FMN1: variants seen among roughly 807,000 people sequenced by gnomAD.
The protein encoded by FMN1 is formin 1.
A neutral mutation model predicts 132.4 loss-of-function variants in FMN1; 110 were observed. The ratio of observed to expected loss-of-function variants is 0.83; its 90% CI spans 0.71 to 0.97. The LOEUF is 0.97. FMN1 is among the 50% of genes least tolerant of loss of function. FMN1 has a pLI of 0.00. For missense variants in FMN1, 1,792 were observed against 1,705.3 expected, an observed-to-expected ratio of 1.05 and a Z score of -0.90; for synonymous variants, 722 against 651.7, an observed-to-expected ratio of 1.11 and a Z score of -1.64.
At chr15:33,096,861 C>T (rs2039104216) in intron 4 of FMN1, among the ~76,000 whole-genome samples, 1 of 152,176 alleles carries the variant, frequency 6.6e-6, no homozygotes, top group South Asian at 2.1e-4. Context: ...CTTGGCTTTC[C>T]AAAGTGCTGG....
chr15:33,134,905 A>G (rs1364858470), intron 4 of FMN1, among the ~76,000 whole-genome samples: 1 of 152,128 alleles, frequency 6.6e-6, no homozygotes, highest in Non-Finnish European at 1.5e-5. Flanking sequence ...AAGAGGCTGA[A>G]GCAGGAGAAT....
chr15:33,027,454 C>T (rs1162379321), intron 6 of FMN1, among the ~76,000 whole-genome samples: 2 of 152,178 alleles, frequency 1.3e-5, no homozygotes, highest in African/African-American at 4.8e-5. Flanking sequence ...TTAGTGAGAA[C>T]TGTATGCAAT....
At chr15:33,050,976 C>A (rs1347805277) in intron 6 of FMN1, among the ~76,000 whole-genome samples, 1 of 152,160 alleles carries the variant, frequency 6.6e-6, no homozygotes, top group Non-Finnish European at 1.5e-5. Context: ...TATAGTATGA[C>A]CCCACTTGTG....
At chr15:33,055,593 T>C (rs1490034010) in intron 6 of FMN1, among the ~76,000 whole-genome samples, 1 of 145,700 alleles carries the variant, frequency 6.9e-6, no homozygotes, top group African/African-American at 2.6e-5. Context: ...AATTTGACTG[T>C]ACTTCAACTC....
At chr15:33,003,491 A>G (rs930796945) in intron 7 of FMN1, among the ~76,000 whole-genome samples, 8 of 152,192 alleles carry the variant, frequency 5.3e-5, no homozygotes, top group Non-Finnish European at 8.8e-5. Context: ...ACTTACAAGG[A>G]ATGTGAAGGA....
At chr15:32,970,002 T>G (rs1332453309) in intron 7 of FMN1, among the ~76,000 whole-genome samples, 1 of 152,214 alleles carries the variant, frequency 6.6e-6, no homozygotes, top group Non-Finnish European at 1.5e-5. Context: ...ATAACTTACT[T>G]TTTTAAAGTT....
intron 7 of FMN1, among the ~76,000 whole-genome samples, chr15:33,006,519 T>C (rs553066438): frequency 9.9e-5 from 15 of 152,266 alleles, no homozygotes; most frequent in African/African-American, 3.4e-4. Context: ...CCATATGACC[T>C]AGAAATCCCA....
intron 10 of FMN1, among the ~76,000 whole-genome samples, chr15:32,921,694 G>A (rs1438667987): frequency 4.8e-5 from 4 of 83,252 alleles, no homozygotes; most frequent in Non-Finnish European, 1.1e-4. Flanking sequence ...TTTTTTTTTC[G>A]AGATAAGAGT....
rs548759409 is a variant in FMN1, at chr15:33,097,043, C to T, written c.1868-8069G>A. Among the ~76,000 whole-genome samples, 16 of 152,198 alleles carry T rather than the reference C, an allele frequency of 1.1e-4. No individual in the cohort carries two copies. In the South Asian group the frequency reaches 3.1e-3, roughly 30 times the overall value. ...GCACAGCGGCTCATGCCTGTAATCC[C>T]AGCACTTTGGGAGGCCGAGGTGGGT... On this transcript the variant is annotated intron_variant, in intron 4 of 20. Transcript: ENST00000616417.
chr15:32,984,541 A>T (rs1185549024), intron 7 of FMN1, among the ~76,000 whole-genome samples: 2 of 152,212 alleles, frequency 1.3e-5, no homozygotes, highest in Non-Finnish European at 2.9e-5. Context: ...AAGAAACTTC[A>T]CAACAAATAT....
At chr15:33,041,233 G>A (rs904883747) in intron 6 of FMN1, among the ~76,000 whole-genome samples, 1 of 151,676 alleles carries the variant, frequency 6.6e-6, no homozygotes, top group Admixed American at 6.6e-5. Context: ...AGAATACTTT[G>A]AAGCCTAGGT....
chr15:32,838,473 G>A lies in FMN1; in HGVS notation c.3928+18542C>T, dbSNP rs200431457. ...GATCCAAGAGGAAAACATAGCAGGC[G>A]CAGTGAATGCTCAAGTAAACACAAA... On this transcript the variant is annotated intron_variant, in intron 17 of 20. Transcript: ENST00000616417. 0.046 allele frequency among the ~76,000 whole-genome samples: 598 copies of A among 12,914 alleles called. 16 individuals carry two copies. In the East Asian group the frequency reaches 0.49, roughly 11 times the overall value. 8.5% of individuals were successfully genotyped at this position (12,914 alleles called of 152,430 possible). A position where few individuals can be genotyped will look rare whatever the true frequency, so the allele number is the denominator to read the frequency against.
intron 6 of FMN1, among the ~76,000 whole-genome samples, chr15:33,021,907 C>G (rs904226777): frequency 1.2e-4 from 18 of 152,174 alleles, no homozygotes; most frequent in African/African-American, 4.3e-4. Context: ...ATAATGGCCA[C>G]AAAACAAATC....
intron 5 of FMN1, among the ~76,000 whole-genome samples, chr15:33,074,874 C>G (rs1421344387): frequency 6.6e-6 from 1 of 151,644 alleles, no homozygotes; most frequent in African/African-American, 2.4e-5. Flanking sequence ...AAAAATTAGC[C>G]AGGCGTGGTG....
chr15:33,084,811 C>G (rs551458077), intron 5 of FMN1, among the ~76,000 whole-genome samples: 1 of 152,260 alleles, frequency 6.6e-6, no homozygotes, highest in African/African-American at 2.4e-5. Context: ...CAGCTGTAGC[C>G]TTAACACCAG....
chr15:32,936,312 A>T (rs1029066351), intron 9 of FMN1, among the ~76,000 whole-genome samples: 1 of 152,196 alleles, frequency 6.6e-6, no homozygotes, highest in Non-Finnish European at 1.5e-5. Flanking sequence ...GTGAAAAAGA[A>T]GTCACCATTC....
chr15:33,000,307 G>C (rs909917256), intron 7 of FMN1, among the ~76,000 whole-genome samples: 1 of 152,054 alleles, frequency 6.6e-6, no homozygotes, highest in East Asian at 1.9e-4. Context: ...AAATTAGCTG[G>C]GTGCAGTGGC....
chr15:33,115,318 A>G (rs1351632439), intron 4 of FMN1, among the ~76,000 whole-genome samples: 2 of 152,204 alleles, frequency 1.3e-5, no homozygotes, highest in Non-Finnish European at 2.9e-5. Context: ...AAGGATGAAT[A>G]AAATCTAACG....
intron 19 of FMN1, among the ~76,000 whole-genome samples, chr15:32,790,122 C>T (rs1471903613): frequency 6.6e-6 from 1 of 152,182 alleles, no homozygotes; most frequent in African/African-American, 2.4e-5. Flanking sequence ...TGGAGTAGAC[C>T]AAGCACTCAA....
Sources: allele counts gnomAD v4.1 joint callset (sites outside exome capture counted in the v4.1 genomes callset), GRCh38; gene constraint gnomAD v4.1.1; transcripts MANE v1.5; gene names NCBI Gene and HGNC (gene_info 2026-07-23, HGNC 2026-07-21).